The following CALCRL variants were observed in gnomAD, a reference collection of about 807,000 sequenced individuals.
The protein encoded by CALCRL is calcitonin receptor like receptor.
Under a neutral mutation model 60.4 loss-of-function variants are expected in CALCRL, and 27 were observed. The ratio of observed to expected loss-of-function variants is 0.45; its 90% CI spans 0.33 to 0.62. The LOEUF (loss-of-function observed/expected upper bound fraction) is 0.62. CALCRL is among the 20% of genes least tolerant of loss of function. The probability of loss-of-function intolerance (pLI) is 0.03; values close to 1 mark genes in which losing one functional copy is unlikely to be tolerated. For missense variants in CALCRL, 424 were observed against 540.7 expected, an observed-to-expected ratio of 0.78 and a Z score of 2.14; for synonymous variants, 190 against 182.6, an observed-to-expected ratio of 1.04 and a Z score of -0.33.
intron 1 of CALCRL, among the ~76,000 whole-genome samples, chr2:187,446,738 AAG>A (rs900800448): frequency 1.3e-5 from 2 of 151,846 alleles, no homozygotes; most frequent in African/African-American, 4.8e-5. Context: ...GAAGATTGAA[AAG>A]AGAGAGAAAT....
At chr2:187,441,314 C>T (rs981973282) in intron 1 of CALCRL, among the ~76,000 whole-genome samples, 1 of 151,788 alleles carries the variant, frequency 6.6e-6, no homozygotes, top group Non-Finnish European at 1.5e-5. Flanking sequence ...ATTTTTCAGA[C>T]ATTAAGAGAT....
At chr2:187,360,535 C>G (rs879076674) in intron 10 of CALCRL, 63 bp downstream of exon 10, 40 of 1,384,980 alleles carry the variant, frequency 2.9e-5, no homozygotes, top group Non-Finnish European at 3.8e-5. Context: ...TACAAAGGAA[C>G]CTGGCATCCT....
chr2:187,430,544 A>G (rs73048636), intron 1 of CALCRL, among the ~76,000 whole-genome samples: 4,580 of 152,264 alleles, frequency 0.03, 122 homozygotes, highest in African/African-American at 0.068. Context: ...CCATGGTACT[A>G]TAATGCCAAA....
chr2:187,368,040 A>T (rs1173781250), intron 8 of CALCRL, among the ~76,000 whole-genome samples: 1 of 152,030 alleles, frequency 6.6e-6, no homozygotes, highest in Non-Finnish European at 1.5e-5. Flanking sequence ...TCAGACAGTG[A>T]ATCTGAACTC....
At chr2:187,395,900 G>A (rs1055433153) in intron 1 of CALCRL, among the ~76,000 whole-genome samples, 4 of 151,998 alleles carry the variant, frequency 2.6e-5, no homozygotes, top group African/African-American at 9.6e-5. Context: ...AAAGGATTAA[G>A]CCTTGGGTAA....
intron 1 of CALCRL, among the ~76,000 whole-genome samples, chr2:187,403,274 A>G (rs3821182): frequency 1.6e-4 from 25 of 151,758 alleles, no homozygotes; most frequent in African/African-American, 5.3e-4. Flanking sequence ...CTGAAATTCA[A>G]TCATGGGTAT....
intron 1 of CALCRL, among the ~76,000 whole-genome samples, chr2:187,393,048 T>C (rs774220121): frequency 5.3e-5 from 8 of 152,272 alleles, no homozygotes; most frequent in African/African-American, 9.6e-5. Context: ...GTATGTCCTC[T>C]TTAGGATGTC....
intron 5 of CALCRL, among the ~76,000 whole-genome samples, chr2:187,381,671 G>A (rs886261041): frequency 1.3e-5 from 2 of 152,154 alleles, no homozygotes; most frequent in Admixed American, 6.5e-5. Context: ...GGCCAGGATC[G>A]TCTCAATCTC....
intron 1 of CALCRL, among the ~76,000 whole-genome samples, chr2:187,402,409 G>A (rs1296919229): frequency 6.7e-6 from 1 of 150,128 alleles, no homozygotes; most frequent in Admixed American, 6.8e-5. Context: ...CATGGAGGAA[G>A]TATGTTTGTG....
intron 3 of CALCRL, among the ~76,000 whole-genome samples, chr2:187,387,109 G>C (rs698576): frequency 6.6e-6 from 1 of 152,202 alleles, no homozygotes; most frequent in Non-Finnish European, 1.5e-5. Flanking sequence ...AAAAATTTCC[G>C]ATCAACAGAT....
chr2:187,370,909 CACTA>C (rs1687489691), intron 8 of CALCRL, among the ~76,000 whole-genome samples: 1 of 152,178 alleles, frequency 6.6e-6, no homozygotes, highest in Non-Finnish European at 1.5e-5. Context: ...TTTTTATGTA[CACTA>C]ACTGATTAAA....
intron 1 of CALCRL, among the ~76,000 whole-genome samples, chr2:187,390,510 CA>C (rs3836099): frequency 0.47 from 71,154 of 151,718 alleles, 17,218 homozygotes; most frequent in East Asian, 0.6. Context: ...ATATTTGAAA[CA>C]CATTTCATCC....
At position 187,383,459 on chromosome 2, in the gene CALCRL, T is replaced by C. The variant is rs898780844; in HGVS notation, c.52-154A>G. Among the ~76,000 whole-genome samples, 13 of 152,240 alleles carry C rather than the reference T, an allele frequency of 8.5e-5. 1 individual carries two copies. Among genetic ancestry groups the C allele is most frequent in the African/African-American group, 3.1e-4 (13 of 41,546 alleles). ...AGGGAAAAAACCCCAATTTGTAGTG[T>C]TTGCTATTTCCATGGTATAAATATC... On this transcript the variant is annotated intron_variant, in intron 4 of 14. Transcript: ENST00000392370.
chr2:187,386,011 G>T (rs1336847100), intron 3 of CALCRL, among the ~76,000 whole-genome samples: 1 of 152,096 alleles, frequency 6.6e-6, no homozygotes, highest in Non-Finnish European at 1.5e-5. Flanking sequence ...TATTAAAACT[G>T]CAAATGTTTA....
At chr2:187,445,777 A>C (rs917928540) in intron 1 of CALCRL, among the ~76,000 whole-genome samples, 1 of 151,598 alleles carries the variant, frequency 6.6e-6, no homozygotes, top group Admixed American at 6.6e-5. Flanking sequence ...AGGTGAACAT[A>C]AATATTCTTA....
At chr2:187,357,896 A>G (rs1686869609) in intron 12 of CALCRL, among the ~76,000 whole-genome samples, 1 of 152,096 alleles carries the variant, frequency 6.6e-6, no homozygotes, top group South Asian at 2.1e-4. Flanking sequence ...GTATGTAACA[A>G]ACCTGCACGT....
intron 12 of CALCRL, among the ~76,000 whole-genome samples, chr2:187,355,233 A>T (rs1686718820): frequency 6.6e-6 from 1 of 152,088 alleles, no homozygotes; most frequent in African/African-American, 2.4e-5. Flanking sequence ...ACTTGCTCTG[A>T]GATGATACAC....
At chr2:187,397,466 T>C (rs560262946) in intron 1 of CALCRL, among the ~76,000 whole-genome samples, 77 of 151,774 alleles carry the variant, frequency 5.1e-4, no homozygotes, top group Non-Finnish European at 8.6e-4. Flanking sequence ...TAATCAAATA[T>C]GGACTTCTTA....
intron 1 of CALCRL, among the ~76,000 whole-genome samples, chr2:187,424,488 AT>A (rs1377824711): frequency 6.6e-6 from 1 of 152,056 alleles, no homozygotes; most frequent in Non-Finnish European, 1.5e-5. Context: ...ATAAATGCAA[AT>A]ATTATTTCAT....
Sources: allele counts gnomAD v4.1 joint callset (sites outside exome capture counted in the v4.1 genomes callset), GRCh38; gene constraint gnomAD v4.1.1; transcripts MANE v1.5; gene names NCBI Gene and HGNC (gene_info 2026-07-23, HGNC 2026-07-21).